The following EML6 variants were observed in gnomAD, a reference collection of about 807,000 sequenced individuals.
The protein encoded by EML6 is EMAP like 6.
EML6 carries 154 observed loss-of-function variants against 240.1 expected under a neutral mutation model. The observed-to-expected ratio is 0.64, with a 90% confidence interval of 0.56 to 0.73. The LOEUF (loss-of-function observed/expected upper bound fraction) is 0.73, where lower values mean the gene tolerates loss of function less well. Ranked by LOEUF, EML6 falls within the 30% of genes least tolerant of loss-of-function variation. The probability of loss-of-function intolerance (pLI) is 0.00; values close to 1 mark genes in which losing one functional copy is unlikely to be tolerated. For synonymous variants in EML6, 1,148 were observed against 899.0 expected (o/e 1.28, Z -4.95); for missense variants, 2,964 against 2,474.6 (o/e 1.20, Z -4.20).
Position 54,894,709 on chromosome 2 carries a change from C to T in EML6, c.2743-206C>T, listed in dbSNP as rs991147038. Among the ~76,000 whole-genome samples the T allele has an allele frequency of 6.6e-5, 10 of 152,228 alleles. No homozygotes were observed. In the East Asian group the frequency reaches 7.7e-4, roughly 12 times the overall value. ...GAGTGCAGTGGACACATGCTGAGAACGTGCTTAATCTTGCTTAGGGAAGTA... is the reference window on the plus strand; with the variant it reads ...GAGTGCAGTGGACACATGCTGAGAATGTGCTTAATCTTGCTTAGGGAAGTA... On this transcript the variant is annotated intron_variant, in intron 19 of 41. Transcript: ENST00000356458.
At chr2:54,853,579 T>G in intron 10 of EML6, 64 bp from the exon 11 acceptor site, 1 of 1,049,130 alleles carries the variant, frequency 9.5e-7, no homozygotes, top group East Asian at 2.8e-5. Context: ...TTTCAGATCT[T>G]TATAAAAAAT....
intron 4 of EML6, among the ~76,000 whole-genome samples, chr2:54,819,439 T>C (rs530659078): frequency 2.0e-5 from 3 of 152,224 alleles, no homozygotes; most frequent in South Asian, 4.1e-4. Context: ...TGTCTCTGGA[T>C]TGGAAATAGA....
rs79736328 is a variant in EML6, at chr2:54,916,463, C to G, written c.3499-296C>G. 2.4e-3 allele frequency among the ~76,000 whole-genome samples: 360 copies of G among 152,030 alleles called. 1 individual carries two copies. The highest frequency in any genetic ancestry group is 6.5e-3 in the South Asian group (31 of 4,802). On this transcript the variant is annotated intron_variant, in intron 25 of 41. Coordinates refer to ENST00000356458, the MANE Select transcript of EML6 (RefSeq NM_001039753.4). Reference sequence around the variant, plus strand: ...ATCTGGATCCAGCTTATGGCTTATACAATGATAAATGTCTAGTTAAGAACT... The same window carrying G: ...ATCTGGATCCAGCTTATGGCTTATAGAATGATAAATGTCTAGTTAAGAACT...
intron 28 of EML6, among the ~76,000 whole-genome samples, chr2:54,936,302 CAT>C (rs1420322478): frequency 6.6e-6 from 1 of 152,186 alleles, no homozygotes; most frequent in Non-Finnish European, 1.5e-5. Flanking sequence ...TACTGAAATT[CAT>C]ATGAGCTGAC....
At chr2:54,780,431 CTG>C (rs1668801924) in intron 2 of EML6, among the ~76,000 whole-genome samples, 2 of 152,086 alleles carry the variant, frequency 1.3e-5, no homozygotes, top group African/African-American at 4.8e-5. Flanking sequence ...AATATTTGAC[CTG>C]ATACAGAGAT....
At chr2:54,808,035 AC>A (rs367732228) in intron 2 of EML6, among the ~76,000 whole-genome samples, 4 of 151,416 alleles carry the variant, frequency 2.6e-5, no homozygotes, top group Non-Finnish European at 4.4e-5. Flanking sequence ...AGTTTTAGGG[AC>A]CCCCCCTGCT....
At chr2:54,906,348 A>G (rs934638180) in intron 24 of EML6, among the ~76,000 whole-genome samples, 1 of 152,236 alleles carries the variant, frequency 6.6e-6, no homozygotes, top group Non-Finnish European at 1.5e-5. Context: ...AGTCCCAGAT[A>G]GAAAGCACAA....
chr2:54,825,615 G>T (rs1025593410), intron 5 of EML6, among the ~76,000 whole-genome samples: 1 of 151,642 alleles, frequency 6.6e-6, no homozygotes, highest in Non-Finnish European at 1.5e-5. Context: ...AATACCCAAA[G>T]AAATGAGTTA....
intron 28 of EML6, among the ~76,000 whole-genome samples, chr2:54,939,605 A>G (rs1263576892): frequency 6.6e-6 from 1 of 152,152 alleles, no homozygotes; most frequent in East Asian, 1.9e-4. Flanking sequence ...CTTGTGGACC[A>G]GCAGGCATGT....
chr2:54,887,321 G>A (rs932632214), intron 17 of EML6, among the ~76,000 whole-genome samples: 5 of 152,120 alleles, frequency 3.3e-5, no homozygotes, highest in East Asian at 1.9e-4. Context: ...CATTCTTCAC[G>A]TTAGCTAGAA....
Position 54,724,590 on chromosome 2 carries a change from C to T in EML6, c.-472C>T, listed in dbSNP as rs545485374. The T allele has an allele frequency of 1.1e-4, 17 of 152,354 alleles. No homozygotes were observed. Among genetic ancestry groups the T allele is most frequent in the Admixed American group, 9.8e-4 (15 of 15,312 alleles). 9.4% of individuals were successfully genotyped at this position (152,354 alleles called of 1,614,324 possible). A position where few individuals can be genotyped will look rare whatever the true frequency, so the allele number is the denominator to read the frequency against. On this transcript the variant is annotated 5_prime_UTR_variant, in exon 2 of 42. Coordinates refer to ENST00000356458, the MANE Select transcript of EML6 (RefSeq NM_001039753.4). The surrounding 1 kb of genome is among the most constrained non-coding windows in gnomAD (Gnocchi z 5.2). ...CCAAAGACGGCGATGGCAGAGCTCA[C>T]CCGGGTTGCCTGTCAAATCAAGGCT...
intron 7 of EML6, among the ~76,000 whole-genome samples, chr2:54,835,363 A>G (rs547400783): frequency 3.3e-5 from 5 of 152,316 alleles, no homozygotes; most frequent in Admixed American, 1.3e-4. Flanking sequence ...AGTAGCTGTC[A>G]GGTGAATGAA....
intron 2 of EML6, among the ~76,000 whole-genome samples, chr2:54,762,020 A>G (rs981157100): frequency 6.6e-6 from 1 of 152,112 alleles, no homozygotes; most frequent in Non-Finnish European, 1.5e-5. Context: ...TATCTGCTCT[A>G]TATTCTTCTT....
intron 2 of EML6, among the ~76,000 whole-genome samples, chr2:54,793,506 G>C (rs530164092): frequency 3.0e-4 from 46 of 150,924 alleles, no homozygotes; most frequent in African/African-American, 1.1e-3. Flanking sequence ...ATTCAAGGAA[G>C]GCAAATGGTT....
At chr2:54,795,449 T>C (rs13431107) in intron 2 of EML6, among the ~76,000 whole-genome samples, 28,041 of 152,058 alleles carry the variant, frequency 0.18, 2,859 homozygotes, top group South Asian at 0.23. Context: ...GGGATTACAA[T>C]TGGAGATGAG....
chr2:54,917,025 CA>C (rs1673953344), intron 26 of EML6, 90 bp downstream of exon 26: 1 of 978,324 alleles, frequency 1.0e-6, no homozygotes, highest in African/African-American at 1.6e-5. Context: ...AATTTGAAGT[CA>C]TAAGCAATTC....
At chr2:54,871,745 C>T in intron 16 of EML6, 140 bp downstream of exon 16, 1 of 679,300 alleles carries the variant, frequency 1.5e-6, no homozygotes, top group South Asian at 1.8e-5. Context: ...TATTGAAGTA[C>T]AAGCTCTTTG....
chr2:54,778,515 A>T (rs776934655), intron 2 of EML6, among the ~76,000 whole-genome samples: 14 of 152,178 alleles, frequency 9.2e-5, no homozygotes, highest in Non-Finnish European at 1.3e-4. Flanking sequence ...TCTGTGCGAG[A>T]TGCTGACACC....
intron 2 of EML6, among the ~76,000 whole-genome samples, chr2:54,732,924 G>A (rs1397007716): frequency 6.6e-6 from 1 of 152,226 alleles, no homozygotes; most frequent in African/African-American, 2.4e-5. Flanking sequence ...CCTTGCTGCT[G>A]GACACAGGTC....
Sources: allele counts gnomAD v4.1 joint callset (sites outside exome capture counted in the v4.1 genomes callset), GRCh38; gene constraint gnomAD v4.1.1; non-coding constraint Gnocchi (gnomAD v3.1); transcripts MANE v1.5; gene names NCBI Gene and HGNC (gene_info 2026-07-23, HGNC 2026-07-21).